KLHL4: variants seen among roughly 807,000 people sequenced by gnomAD.
The protein encoded by KLHL4 is kelch like family member 4, also known as kelch-like protein 4.
A neutral mutation model predicts 45.8 loss-of-function variants in KLHL4; 17 were observed. The ratio of observed to expected loss-of-function variants is 0.37; its 90% CI spans 0.25 to 0.56. KLHL4 has a LOEUF of 0.56. Among genes scored for constraint, KLHL4 ranks in the 20% least tolerant of loss-of-function variants. KLHL4 has a pLI of 0.79. For missense variants in KLHL4, 544 were observed against 544.9 expected, an observed-to-expected ratio of 1.00 and a Z score of 0.02; for synonymous variants, 224 against 189.9, an observed-to-expected ratio of 1.18 and a Z score of -1.47.
chrX:87,607,156 CT>C (rs1230521896), intron 1 of KLHL4, among the ~76,000 whole-genome samples: 1 of 111,150 alleles, frequency 9.0e-6, no homozygotes, highest in Non-Finnish European at 1.9e-5. Flanking sequence ...TCTATGCCAT[CT>C]TTTTTATTCC....
At chrX:87,597,729 G>A (rs761472954) in intron 1 of KLHL4, among the ~76,000 whole-genome samples, 2 of 111,589 alleles carry the variant, frequency 1.8e-5, no homozygotes, top group African/African-American at 3.2e-5. Flanking sequence ...CCAACTTTAA[G>A]ACTGGCTATA....
At chrX:87,653,312 G>A (rs1462669735) in intron 9 of KLHL4, among the ~76,000 whole-genome samples, 3 of 111,918 alleles carry the variant, frequency 2.7e-5, no homozygotes, top group Non-Finnish European at 5.6e-5. Flanking sequence ...TCCATTGCTT[G>A]TTTTTGTCAG....
At chrX:87,649,064 AT>A (rs935252978) in intron 9 of KLHL4, among the ~76,000 whole-genome samples, 1 of 111,729 alleles carries the variant, frequency 9.0e-6, no homozygotes, top group Non-Finnish European at 1.9e-5. Context: ...TATTTTAAAT[AT>A]TTTAAGTGTA....
At chrX:87,548,611 A>C (rs1053376034) in intron 1 of KLHL4, among the ~76,000 whole-genome samples, 1 of 111,057 alleles carries the variant, frequency 9.0e-6, no homozygotes, top group Non-Finnish European at 1.9e-5. Flanking sequence ...AAACAATAAG[A>C]AGTTAAAAAG....
intron 1 of KLHL4, among the ~76,000 whole-genome samples, chrX:87,536,778 C>A (rs1432885633): frequency 9.0e-6 from 1 of 110,947 alleles, no homozygotes; most frequent in Non-Finnish European, 1.9e-5. Context: ...GGGGGATATT[C>A]TGTGCAAAAT....
intron 1 of KLHL4, among the ~76,000 whole-genome samples, chrX:87,599,220 T>A (rs1423254127): frequency 1.8e-5 from 2 of 111,167 alleles, no homozygotes; most frequent in African/African-American, 6.5e-5. Flanking sequence ...CCTAGAGAGT[T>A]GGCTCTTTGC....
intron 1 of KLHL4, among the ~76,000 whole-genome samples, chrX:87,562,548 T>TA (rs34334698): frequency 1.1e-3 from 112 of 99,214 alleles, no homozygotes; most frequent in Non-Finnish European, 1.4e-3. Context: ...TAGGGAAGAG[T>TA]AAAAAAAAAA....
At chrX:87,661,640 A>G (rs1924192612) in intron 9 of KLHL4, among the ~76,000 whole-genome samples, 1 of 112,039 alleles carries the variant, frequency 8.9e-6, no homozygotes, top group Non-Finnish European at 1.9e-5. Context: ...CACAGACTAC[A>G]AAATTAAATA....
chrX:87,613,864 A>C lies in KLHL4; in HGVS notation c.423-13A>C, dbSNP rs1268945812. The stretch of plus-strand genomic sequence containing the variant: ...TATGATGAACCATATTCTCATCCTT[A>C]CTTCCTTTTCAGATTAGATACACAA... On this transcript the variant is annotated splice_polypyrimidine_tract_variant and intron_variant, in intron 1 of 10. Transcript: ENST00000373119. The C allele has an allele frequency of 1.8e-6, 2 of 1,140,737 alleles. No individual in the cohort carries two copies. The highest frequency in any genetic ancestry group is 5.3e-5 in the Admixed American group (2 of 37,543). The allele number at this position is 1,140,737 out of a possible 1,213,427, so 94.0% of individuals were successfully genotyped here. A position where few individuals can be genotyped will look rare whatever the true frequency, so the allele number is the denominator to read the frequency against.
chrX:87,580,052 G>T (rs1921222607), intron 1 of KLHL4, among the ~76,000 whole-genome samples: 1 of 111,710 alleles, frequency 9.0e-6, no homozygotes. Flanking sequence ...CAATGTAAAA[G>T]ATACAAATTG....
At chrX:87,539,819 T>G (rs1931513811) in intron 1 of KLHL4, among the ~76,000 whole-genome samples, 1 of 111,458 alleles carries the variant, frequency 9.0e-6, no homozygotes, top group Non-Finnish European at 1.9e-5. Context: ...TCTCCATCTA[T>G]GAAGAGCCAT....
chrX:87,573,750 AC>A (rs1921007148), intron 1 of KLHL4, among the ~76,000 whole-genome samples: 1 of 111,815 alleles, frequency 8.9e-6, no homozygotes, highest in Non-Finnish European at 1.9e-5. Flanking sequence ...GTTTCACTAT[AC>A]CTGATGATTT....
At chrX:87,568,479 C>A (rs1323395077) in intron 1 of KLHL4, among the ~76,000 whole-genome samples, 1 of 95,884 alleles carries the variant, frequency 1.0e-5, no homozygotes, top group Non-Finnish European at 2.0e-5. Context: ...TCAAAACAAT[C>A]TTGAAAATGA....
chrX:87,621,457 AAAG>A (rs1169749374), intron 4 of KLHL4, among the ~76,000 whole-genome samples: 1 of 109,619 alleles, frequency 9.1e-6, no homozygotes, highest in Non-Finnish European at 1.9e-5. Flanking sequence ...CAACACAATG[AAAG>A]AAGAATTGAG....
At chrX:87,614,382 T>C in intron 2 of KLHL4, 52 bp from the exon 3 acceptor site, 1 of 1,126,279 alleles carries the variant, frequency 8.9e-7, no homozygotes, top group South Asian at 1.9e-5. Context: ...TTCATGCTTT[T>C]CAGTGAAATT....
chrX:87,533,610 C>T (rs2147768469), intron 1 of KLHL4, among the ~76,000 whole-genome samples: 1 of 107,314 alleles, frequency 9.3e-6, no homozygotes, highest in South Asian at 4.3e-4. Context: ...TGCTAAATGA[C>T]CAGTTAATGG....
At chrX:87,553,879 C>G (rs1403314918) in intron 1 of KLHL4, among the ~76,000 whole-genome samples, 1 of 109,554 alleles carries the variant, frequency 9.1e-6, no homozygotes, top group Non-Finnish European at 1.9e-5. Flanking sequence ...TTTAATCCAT[C>G]TTGAATTAAT....
chrX:87,581,672 C>T (rs1437351039), intron 1 of KLHL4, among the ~76,000 whole-genome samples: 1 of 111,813 alleles, frequency 8.9e-6, no homozygotes, highest in Admixed American at 9.4e-5. Flanking sequence ...AAGGAACAAA[C>T]AACAAAAAAA....
intron 1 of KLHL4, among the ~76,000 whole-genome samples, chrX:87,563,077 G>T (rs749695360): frequency 1.8e-5 from 2 of 111,340 alleles, no homozygotes; most frequent in South Asian, 7.6e-4. Flanking sequence ...TCCTAATACA[G>T]ATATGGCTGC....
Sources: gnomAD v4.1 joint callset for allele counts (sites outside exome capture counted in the v4.1 genomes callset) on GRCh38, gnomAD v4.1.1 for gene constraint, MANE v1.5 for transcripts, NCBI Gene and HGNC (gene_info 2026-07-23, HGNC 2026-07-21) for gene names.